NETO2: variants seen among roughly 807,000 people sequenced by gnomAD.
The protein encoded by NETO2 is neuropilin and tolloid like 2, also known as neuropilin and tolloid-like protein 2.
Under a neutral mutation model 62.5 loss-of-function variants are expected in NETO2, and 28 were observed. The observed-to-expected ratio is 0.45, with a 90% CI of 0.33 to 0.61. NETO2 has a LOEUF of 0.61. Ranked by LOEUF, NETO2 falls within the 20% of genes least tolerant of loss-of-function variation. NETO2 has a pLI of 0.02. For missense variants in NETO2, 548 were observed against 643.2 expected (o/e 0.85, Z 1.60); for synonymous variants, 214 against 219.1 (o/e 0.98, Z 0.21).
chr16:47,098,383 G>GT (rs1963472764), intron 7 of NETO2, among the ~76,000 whole-genome samples: 2 of 152,164 alleles, frequency 1.3e-5, no homozygotes, highest in South Asian at 2.1e-4. Context: ...TGAAGCATAT[G>GT]TAAGTATCAA....
chr16:47,108,437 A>G (rs1184130608), intron 7 of NETO2, among the ~76,000 whole-genome samples: 4 of 152,234 alleles, frequency 2.6e-5, no homozygotes, highest in East Asian at 1.9e-4. Context: ...ATCACCAGCA[A>G]TAAGACAAAA....
intron 6 of NETO2, among the ~76,000 whole-genome samples, chr16:47,118,997 T>A (rs962591727): frequency 2.0e-5 from 3 of 152,126 alleles, no homozygotes; most frequent in African/African-American, 7.2e-5. Flanking sequence ...TTTTTTCTTT[T>A]TCCCCCATTG....
chr16:47,083,669 A>T lies in NETO2; in HGVS notation c.1130T>A (p.Val377Asp). 6.2e-7 allele frequency: 1 copy of T among 1,614,166 alleles called. No individual in the cohort carries two copies. Residue 377 changes from valine (V) to aspartate (D), a missense_variant, in exon 9 of 9, where the codon GTC becomes GAC. Transcript: ENST00000562435. The part of the protein sequence containing the change: ...LVQVKQPRKK[V>D]MACKTAFNKT... Reference sequence around the variant, plus strand: ...ATTAAAAGCGGTTTTGCAAGCCATGACCTTTTTTCGAGGCTGTTTCACTTG... The same window carrying T: ...ATTAAAAGCGGTTTTGCAAGCCATGTCCTTTTTTCGAGGCTGTTTCACTTG...
chr16:47,093,168 C>G (rs530821474), intron 7 of NETO2, among the ~76,000 whole-genome samples: 4 of 152,064 alleles, frequency 2.6e-5, no homozygotes, highest in Non-Finnish European at 5.9e-5. Context: ...TTTCAAAGGG[C>G]TTCATCCAGT....
chr16:47,083,668 G>T lies in NETO2; in HGVS notation c.1131C>A (p.Val377=). 1 of 1,614,152 alleles carries T rather than the reference G, an allele frequency of 6.2e-7. No homozygotes were observed. The highest frequency in any genetic ancestry group is 2.2e-5 in the East Asian group (1 of 44,886). The change falls in exon 9 of 9, where the codon GTC becomes GTA. Residue 377 remains valine, a synonymous_variant. Transcript: ENST00000562435. ...TATTAAAAGCGGTTTTGCAAGCCAT[G>T]ACCTTTTTTCGAGGCTGTTTCACTT... is the stretch of plus-strand genomic sequence containing the variant. ...LVQVKQPRKK[V]MACKTAFNKT...
At chr16:47,132,065 C>G in intron 1 of NETO2, 40 bp from the exon 2 acceptor site, 4 of 1,444,086 alleles carry the variant, frequency 2.8e-6, no homozygotes, top group Non-Finnish European at 2.9e-6. Context: ...GAAATTGAAT[C>G]TATACTACAT....
chr16:47,099,220 A>T (rs1567383823), intron 7 of NETO2, among the ~76,000 whole-genome samples: 1 of 152,212 alleles, frequency 6.6e-6, no homozygotes, highest in Non-Finnish European at 1.5e-5. Context: ...TAAGCTTCGT[A>T]AGTGAAGGAG....
At chr16:47,099,942 G>A (rs537169593) in intron 7 of NETO2, among the ~76,000 whole-genome samples, 1 of 152,180 alleles carries the variant, frequency 6.6e-6, no homozygotes, top group South Asian at 2.1e-4. Context: ...CTTGAACTCA[G>A]CTCTGTACCA....
At chr16:47,136,947 G>GA (rs1033834786) in intron 1 of NETO2, among the ~76,000 whole-genome samples, 1 of 151,826 alleles carries the variant, frequency 6.6e-6, no homozygotes, top group Non-Finnish European at 1.5e-5. Flanking sequence ...ATAAATGGGG[G>GA]AAAAAAGATT....
intron 7 of NETO2, among the ~76,000 whole-genome samples, chr16:47,088,589 C>T (rs1392035386): frequency 1.3e-5 from 2 of 152,042 alleles, no homozygotes; most frequent in African/African-American, 4.8e-5. Flanking sequence ...GAAGGTTTTT[C>T]AAGATAGAGT....
chr16:47,083,552 GA>G lies in NETO2; in HGVS notation c.1246del (p.Ser416ArgfsTer56). 1.2e-6 allele frequency: 2 copies of G among 1,614,182 alleles called. No individual in the cohort carries two copies. The highest frequency in any genetic ancestry group is 1.7e-6 in the Non-Finnish European group (2 of 1,180,034). On this transcript the variant is annotated frameshift_variant, in exon 9 of 9. Coordinates refer to ENST00000562435, the MANE Select transcript of NETO2 (RefSeq NM_018092.5). LOFTEE classifies it high-confidence loss of function. ...CTTCTGGTAGTTGTCCAATTCTTCC[GA>G]CAAGTCTGCCAGGTCTGCAGAAATC... ...KEISADLADLSEELDNYQKMR... is the reference protein window; with the variant it reads ...KEISADLADLXEELDNYQKMR...
chr16:47,081,995 C>T lies in NETO2; in HGVS notation c.*1226G>A, dbSNP rs1468957156. 6.6e-6 allele frequency: 1 copy of T among 152,612 alleles called. No individual in the cohort carries two copies. Among genetic ancestry groups the T allele is most frequent in the Non-Finnish European group, 1.5e-5 (1 of 68,018 alleles). The allele number at this position is 152,612 out of a possible 1,614,324, so 9.5% of individuals were successfully genotyped here. On this transcript the variant is annotated 3_prime_UTR_variant, in exon 9 of 9. Transcript: ENST00000562435. ...GCATACAAAGCCACTGATGTGAACA[C>T]TGAAAGGAATCTGTCCTGTAGGTCT...
In NETO2 at chr16:47,086,156, A is replaced by T; in HGVS notation, c.997+70T>A. The T allele has an allele frequency of 5.6e-6, 5 of 898,584 alleles. 1 individual carries two copies. In the South Asian group the frequency reaches 6.6e-5, roughly 12 times the overall value. 55.7% of individuals were successfully genotyped at this position (898,584 alleles called of 1,614,324 possible). ...GCTAAGCACTGTTGTAGAAAATAACATTTTAAGTTCTTAATGAAGGGCAAT... is the reference window on the plus strand; with the variant it reads ...GCTAAGCACTGTTGTAGAAAATAACTTTTTAAGTTCTTAATGAAGGGCAAT... On this transcript the variant is annotated intron_variant, in intron 8 of 8. Transcript: ENST00000562435.
chr16:47,115,699 A>T (rs894834936), intron 6 of NETO2, among the ~76,000 whole-genome samples: 5 of 137,370 alleles, frequency 3.6e-5, no homozygotes, highest in East Asian at 2.0e-4. Context: ...GCTAATTTTT[A>T]TATATATATA....
intron 1 of NETO2, among the ~76,000 whole-genome samples, chr16:47,139,194 G>A (rs1277220373): frequency 6.6e-6 from 1 of 152,178 alleles, no homozygotes; most frequent in Non-Finnish European, 1.5e-5. Flanking sequence ...ATGAACACAT[G>A]GGGGTGACTG....
intron 7 of NETO2, among the ~76,000 whole-genome samples, chr16:47,088,546 G>GACATATCTCAAATATTTTTTATACT (rs1963246266): frequency 6.6e-6 from 1 of 152,144 alleles, no homozygotes; most frequent in African/African-American, 2.4e-5. Flanking sequence ...ATGTTATACT[G>GACATATCTCAAATATTTTTTATACT]ACATATCTCA....
chr16:47,127,448 C>T (rs1964178936), intron 4 of NETO2, among the ~76,000 whole-genome samples: 1 of 152,150 alleles, frequency 6.6e-6, no homozygotes, highest in Non-Finnish European at 1.5e-5. Flanking sequence ...CACACACACA[C>T]ACATATAGTT....
chr16:47,091,538 C>G (rs1368566103), intron 7 of NETO2, among the ~76,000 whole-genome samples: 1 of 152,052 alleles, frequency 6.6e-6, no homozygotes, highest in Non-Finnish European at 1.5e-5. Context: ...TTATTTAACC[C>G]AACATATCAG....
chr16:47,105,055 A>C (rs1963643222), intron 7 of NETO2, among the ~76,000 whole-genome samples: 1 of 151,642 alleles, frequency 6.6e-6, no homozygotes, highest in Admixed American at 6.6e-5. Flanking sequence ...TTTAAAGAAA[A>C]ATAGAGATGG....
Sources: allele counts gnomAD v4.1 joint callset (sites outside exome capture counted in the v4.1 genomes callset), GRCh38; gene constraint gnomAD v4.1.1; transcripts MANE v1.5; gene names NCBI Gene and HGNC (gene_info 2026-07-23, HGNC 2026-07-21).